The following FBXW11 variants were observed in gnomAD, a reference collection of about 807,000 sequenced individuals.
FBXW11 encodes F-box/WD repeat-containing protein 11.
Under a neutral mutation model 77.6 loss-of-function variants are expected in FBXW11, and 19 were observed. The ratio of observed to expected loss-of-function variants is 0.24; its 90% CI spans 0.17 to 0.36. The LOEUF is 0.36. Ranked by LOEUF, FBXW11 falls within the 10% of genes least tolerant of loss-of-function variation. FBXW11 has a pLI of 1.00. For missense variants in FBXW11, 334 were observed against 704.2 expected, an observed-to-expected ratio of 0.47 and a Z score of 5.95; for synonymous variants, 235 against 249.4, an observed-to-expected ratio of 0.94 and a Z score of 0.54.
intron 9 of FBXW11, among the ~76,000 whole-genome samples, chr5:171,875,928 A>T (rs1758051811): frequency 6.6e-6 from 1 of 152,222 alleles, no homozygotes; most frequent in African/African-American, 2.4e-5. Context: ...TCTCTGAGCC[A>T]GATGTGTAAA....
intron 2 of FBXW11, among the ~76,000 whole-genome samples, chr5:171,923,040 A>G (rs1761686786): frequency 6.6e-6 from 1 of 151,998 alleles, no homozygotes; most frequent in South Asian, 2.1e-4. Context: ...TCAGCCTCCC[A>G]TGTAGCTGGG....
chr5:171,982,977 G>C (rs559066335), intron 1 of FBXW11, among the ~76,000 whole-genome samples: 5 of 152,192 alleles, frequency 3.3e-5, no homozygotes. Flanking sequence ...CAAGGCAGGT[G>C]GATCAGTTGA....
chr5:171,974,638 G>A (rs530737516), intron 1 of FBXW11, among the ~76,000 whole-genome samples: 1 of 152,072 alleles, frequency 6.6e-6, no homozygotes, highest in South Asian at 2.1e-4. Flanking sequence ...AGGATCACTT[G>A]AGGCCAGGAG....
At chr5:171,959,364 C>T (rs1162817864) in intron 1 of FBXW11, among the ~76,000 whole-genome samples, 1 of 152,046 alleles carries the variant, frequency 6.6e-6, no homozygotes, top group Non-Finnish European at 1.5e-5. Flanking sequence ...ATTTATCAAG[C>T]TTCTGTTATG....
chr5:171,896,123 G>A (rs1016624867), intron 6 of FBXW11, among the ~76,000 whole-genome samples: 2 of 152,098 alleles, frequency 1.3e-5, no homozygotes, highest in African/African-American at 2.4e-5. Context: ...ATGTAGAAGC[G>A]CAGATTCAGA....
At position 171,971,540 on chromosome 5, in the gene FBXW11, A is replaced by C. The variant is rs560915520; in HGVS notation, c.46-13842T>G. On this transcript the variant is annotated intron_variant, in intron 1 of 13. Transcript: ENST00000517395. Reference sequence around the variant, plus strand: ...CTTCCTACACTGTATATGTCACTGTAATCACTCAAATCCTTTTTCTGAAAT... The same window carrying C: ...CTTCCTACACTGTATATGTCACTGTCATCACTCAAATCCTTTTTCTGAAAT... Among the ~76,000 whole-genome samples the C allele has an allele frequency of 2.6e-5, 4 of 152,326 alleles. No individual in the cohort carries two copies. In the East Asian group the frequency reaches 7.7e-4, roughly 29 times the overall value.
At chr5:171,877,879 A>T in intron 8 of FBXW11, 132 bp downstream of exon 8, 2 of 715,086 alleles carry the variant, frequency 2.8e-6, no homozygotes, top group Non-Finnish European at 4.8e-6. Context: ...AAACATGTCT[A>T]CAATAAAAGT....
chr5:171,878,556 G>GTGTA (rs1758264272), intron 7 of FBXW11, among the ~76,000 whole-genome samples: 1 of 42,506 alleles, frequency 2.4e-5, no homozygotes, highest in African/African-American at 5.8e-5. Flanking sequence ...CCATAAGAGT[G>GTGTA]TGTGAGTGTG....
intron 5 of FBXW11, 124 bp downstream of exon 5, chr5:171,899,790 C>T: frequency 1.2e-6 from 1 of 839,760 alleles, no homozygotes; most frequent in Non-Finnish European, 1.8e-6. Flanking sequence ...CTTTTGACCA[C>T]TCATTTTCCC....
At chr5:171,913,321 A>T (rs1017936460) in intron 3 of FBXW11, among the ~76,000 whole-genome samples, 3 of 152,238 alleles carry the variant, frequency 2.0e-5, no homozygotes, top group African/African-American at 7.2e-5. Context: ...GTGTTTGTAT[A>T]ACTATTAACT....
At chr5:171,963,082 A>G (rs1193623767) in intron 1 of FBXW11, among the ~76,000 whole-genome samples, 3 of 152,192 alleles carry the variant, frequency 2.0e-5, no homozygotes, top group Non-Finnish European at 2.9e-5. Flanking sequence ...CAAAAAACTT[A>G]TCTGAACTTA....
intron 1 of FBXW11, among the ~76,000 whole-genome samples, chr5:171,978,173 GA>G (rs5873293): frequency 0.78 from 117,725 of 151,526 alleles, 49,069 homozygotes; most frequent in East Asian, 0.95. Flanking sequence ...CAGAGAAAAA[GA>G]AAAAAAAATC....
At chr5:172,002,032 T>G (rs1285275711) in intron 1 of FBXW11, among the ~76,000 whole-genome samples, 1 of 152,184 alleles carries the variant, frequency 6.6e-6, no homozygotes, top group Non-Finnish European at 1.5e-5. Context: ...AAGACTGGAA[T>G]TGGAATCACT....
At chr5:171,995,083 T>C (rs756187053) in intron 1 of FBXW11, among the ~76,000 whole-genome samples, 1 of 152,024 alleles carries the variant, frequency 6.6e-6, no homozygotes, top group Non-Finnish European at 1.5e-5. Flanking sequence ...AAAAAGAAAA[T>C]TTTTTTAAGA....
In FBXW11 at chr5:171,868,786, C is replaced by T. The variant is rs1757583033; in HGVS notation, c.1541G>A (p.Gly514Glu). 1 of 1,612,122 alleles carries T rather than the reference C, an allele frequency of 6.2e-7. No homozygotes were observed. ...LCLRTLVEHS[G>E]RVFRLQFDEF... ...ATCAAACTGGAGCCGAAACACACGT[C>T]CAGAATGTTCCTATGAAATACAAAA... The change falls in exon 13 of 14, where the codon GGA becomes GAA. Residue 514 changes from glycine to glutamate, a missense_variant. By Grantham distance (98) the Gly-to-Glu change is moderately conservative. Transcript: ENST00000517395.
At position 171,910,665 on chromosome 5, in the gene FBXW11, G is replaced by A. The variant is rs749730197; in HGVS notation, c.343C>T (p.His115Tyr). 3.7e-6 allele frequency: 6 copies of A among 1,613,816 alleles called. No homozygotes were observed. The highest frequency in any genetic ancestry group is 1.1e-5 in the South Asian group (1 of 91,074). ...SESDQVEFVE[H>Y]LISRMCHYQH... ...TAATGACACATTCGTGAAATAAGATGTTCCACAAATTCCACTTGATCTGAT... is the reference window on the plus strand; with the variant it reads ...TAATGACACATTCGTGAAATAAGATATTCCACAAATTCCACTTGATCTGAT... Residue 115 changes from histidine (H) to tyrosine (Y), a missense_variant, in exon 4 of 14, where the codon CAT becomes TAT. Transcript: ENST00000517395.
In FBXW11 at chr5:171,872,462, A is replaced by G. The variant is rs535578568; in HGVS notation, c.1340+410T>C. ...AGGCCGAGTGCTGGGAAGGAAAAAG[A>G]GAGGTAAATGACCTGGCAGGAACAG... On this transcript the variant is annotated intron_variant, in intron 10 of 13. Coordinates refer to ENST00000517395, the MANE Select transcript of FBXW11 (RefSeq NM_001378974.1). 3.9e-4 allele frequency among the ~76,000 whole-genome samples: 59 copies of G among 152,340 alleles called. 3 individuals are homozygous for G. The South Asian group carries it at 0.011, about 28-fold the overall frequency.
intron 7 of FBXW11, among the ~76,000 whole-genome samples, chr5:171,878,582 GTGTGTGTGTA>G (rs1398836908): frequency 1.4e-4 from 10 of 71,596 alleles, no homozygotes; most frequent in Non-Finnish European, 2.8e-4. Flanking sequence ...GTGTGTGTGT[GTGTGTGTGTA>G]AGAGAGAGAG....
intron 2 of FBXW11, among the ~76,000 whole-genome samples, chr5:171,918,943 G>C (rs1375858764): frequency 6.6e-6 from 1 of 152,134 alleles, no homozygotes; most frequent in African/African-American, 2.4e-5. Flanking sequence ...TCCTAAACTT[G>C]ACACCGTGGG....
Sources: allele counts gnomAD v4.1 joint callset (sites outside exome capture counted in the v4.1 genomes callset), GRCh38; gene constraint gnomAD v4.1.1; transcripts MANE v1.5; gene names NCBI Gene and HGNC (gene_info 2026-07-23, HGNC 2026-07-21).